Variants in ABCC1 observed in about 807,000 individuals in gnomAD.
ABCC1 encodes the protein multidrug resistance-associated protein 1.
ABCC1 carries 83 observed loss-of-function variants against 172.9 expected under a neutral mutation model. That is an observed-to-expected ratio of 0.48 (90% CI 0.40 to 0.58). The LOEUF is 0.58. Among genes scored for constraint, ABCC1 ranks in the 20% least tolerant of loss-of-function variants. The probability of loss-of-function intolerance (pLI) is 0.00; values close to 1 mark genes in which losing one functional copy is unlikely to be tolerated. For synonymous variants in ABCC1, 937 were observed against 825.2 expected, an observed-to-expected ratio of 1.14 and a Z score of -2.32; for missense variants, 1,817 against 2,002.7, an observed-to-expected ratio of 0.91 and a Z score of 1.77.
At chr16:16,102,546 A>C in intron 19 of ABCC1, 81 bp from the exon 20 acceptor site, 2 of 1,325,526 alleles carry the variant, frequency 1.5e-6, no homozygotes, top group Non-Finnish European at 2.1e-6. Context: ...CTCCTCACTG[A>C]AGTGGCCGGT....
Position 16,090,270 on chromosome 16 carries a change from G to A in ABCC1, c.2461-135G>A, listed in dbSNP as rs1293317300. ...GCTCCTGGATGCTGTTATCGCGGGT[G>A]CATGTCCCACCTTCAGACCTGAGTT... On this transcript the variant is annotated intron_variant, in intron 18 of 30. Transcript: ENST00000399410. 3.6e-6 allele frequency: 3 copies of A among 826,692 alleles called. No homozygotes were observed. In the Admixed American group the frequency reaches 9.5e-5, roughly 26 times the overall value. The allele number at this position is 826,692 out of a possible 1,614,324, so 51.2% of individuals were successfully genotyped here.
In ABCC1 at chr16:16,127,520, A is replaced by G. The variant is rs144838723; in HGVS notation, c.3819+1609A>G. ...AGCCCAGCCCTATAATTTAGATGCT[A>G]CTATTACCCCCATTTTACAGGTGAG... On this transcript the variant is annotated intron_variant, in intron 26 of 30. Coordinates refer to ENST00000399410, the MANE Select transcript of ABCC1 (RefSeq NM_004996.4). Among the ~76,000 whole-genome samples, 28 of 152,224 alleles carry G rather than the reference A, an allele frequency of 1.8e-4. No individual in the cohort carries two copies. In the East Asian group the frequency reaches 5.4e-3, roughly 29 times the overall value.
intron 14 of ABCC1, among the ~76,000 whole-genome samples, chr16:16,073,414 A>G (rs1234172862): frequency 3.9e-5 from 6 of 152,194 alleles, no homozygotes; most frequent in Admixed American, 3.9e-4. Context: ...TAGACACCCC[A>G]TCACAGCCCT....
rs770719562 is a variant in ABCC1, at chr16:16,115,054, G to A, written c.3368G>A (p.Gly1123Asp). ...GCCGCCATCATCATCCCGCCCCTTG[G>A]CCTCATCTACTTCTTCGTCCAGGTA... The part of the protein sequence containing the change: ...PIAAIIIPPL[G>D]LIYFFVQRFY... Residue 1123 changes from glycine (G) to aspartate (D), a missense_variant, in exon 23 of 31, where the codon GGC (glycine) becomes GAC (aspartate). Around this residue, in one of 3 missense-constraint regions of ABCC1, gnomAD observed 1,412 missense variants for 1,600.3 expected, o/e 0.88. Coordinates refer to ENST00000399410, the MANE Select transcript of ABCC1 (RefSeq NM_004996.4). 2 of 1,613,992 alleles carry A rather than the reference G, an allele frequency of 1.2e-6. No individual in the cohort carries two copies. The highest frequency in any genetic ancestry group is 2.2e-5 in the South Asian group (2 of 91,086).
At chr16:16,000,162 T>C (rs1218728642) in intron 1 of ABCC1, among the ~76,000 whole-genome samples, 4 of 150,974 alleles carry the variant, frequency 2.6e-5, no homozygotes, top group African/African-American at 9.7e-5. Flanking sequence ...CTTCCTTTTT[T>C]TTGAAGCAGG....
At chr16:15,957,236 TGCCCA>T (rs1448872439) in intron 1 of ABCC1, among the ~76,000 whole-genome samples, 11 of 149,392 alleles carry the variant, frequency 7.4e-5, no homozygotes, top group African/African-American at 2.7e-4. Flanking sequence ...CACACCACCA[TGCCCA>T]GCTAATTTTT....
intron 1 of ABCC1, among the ~76,000 whole-genome samples, chr16:15,981,902 A>G (rs887228272): frequency 1.3e-5 from 2 of 152,070 alleles, no homozygotes; most frequent in Non-Finnish European, 2.9e-5. Context: ...TCTTCTGACA[A>G]TCATCTAAAT....
intron 14 of ABCC1, among the ~76,000 whole-genome samples, chr16:16,076,019 G>C (rs914488372): frequency 8.4e-6 from 1 of 119,092 alleles, no homozygotes; most frequent in African/African-American, 2.8e-5. Context: ...AGAGCATTGA[G>C]TAATTCTCAT....
At chr16:16,080,894 T>A (rs140485041) in intron 16 of ABCC1, among the ~76,000 whole-genome samples, 2 of 151,786 alleles carry the variant, frequency 1.3e-5, no homozygotes, top group African/African-American at 4.8e-5. Flanking sequence ...GAGACAGAGT[T>A]TTTTTTGTTG....
intron 5 of ABCC1, among the ~76,000 whole-genome samples, chr16:16,032,447 C>T (rs1367474841): frequency 3.3e-5 from 5 of 152,194 alleles, no homozygotes; most frequent in Non-Finnish European, 7.3e-5. Context: ...AAGCTCCATA[C>T]AGGCAGGGGT....
intron 1 of ABCC1, among the ~76,000 whole-genome samples, chr16:15,973,804 A>G (rs1230046004): frequency 6.6e-6 from 1 of 151,640 alleles, no homozygotes; most frequent in Non-Finnish European, 1.5e-5. Flanking sequence ...AGCGAGACCC[A>G]GTCTCTACAC....
At chr16:16,127,992 C>G (rs1252078091) in intron 26 of ABCC1, among the ~76,000 whole-genome samples, 1 of 148,890 alleles carries the variant, frequency 6.7e-6, no homozygotes, top group Non-Finnish European at 1.5e-5. Flanking sequence ...ACGATCTCAG[C>G]TCACTGCAAC....
At chr16:15,955,547 T>C (rs1242208684) in intron 1 of ABCC1, among the ~76,000 whole-genome samples, 1 of 152,144 alleles carries the variant, frequency 6.6e-6, no homozygotes, top group African/African-American at 2.4e-5. Context: ...TGACCTCTTC[T>C]CTGGCTGCTT....
At chr16:16,131,269 C>T (rs2045661525) in intron 26 of ABCC1, among the ~76,000 whole-genome samples, 1 of 152,232 alleles carries the variant, frequency 6.6e-6, no homozygotes, top group African/African-American at 2.4e-5. Context: ...GACAGCTTTA[C>T]AGAAGGTATC....
intron 9 of ABCC1, 114 bp from the exon 10 acceptor site, chr16:16,048,028 A>T: frequency 7.6e-7 from 1 of 1,314,940 alleles, no homozygotes; most frequent in Non-Finnish European, 1.1e-6. Flanking sequence ...GGAGGAGGAG[A>T]GATCTGCGGC....
chr16:16,095,467 G>C (rs1243671169), intron 19 of ABCC1, among the ~76,000 whole-genome samples: 1 of 152,192 alleles, frequency 6.6e-6, no homozygotes, highest in Non-Finnish European at 1.5e-5. Context: ...GCAGGGTAGA[G>C]GCCAGCGATG....
At chr16:16,096,330 T>C (rs550797578) in intron 19 of ABCC1, among the ~76,000 whole-genome samples, 1 of 152,328 alleles carries the variant, frequency 6.6e-6, no homozygotes, top group Non-Finnish European at 1.5e-5. Flanking sequence ...CTTTTTCACC[T>C]GTCCTTCCTT....
At chr16:16,124,674 T>C in intron 24 of ABCC1, 115 bp from the exon 25 acceptor site, 2 of 1,447,234 alleles carry the variant, frequency 1.4e-6, no homozygotes, top group Non-Finnish European at 1.9e-6. Context: ...TCTCTGGAAT[T>C]ACTGCGGAGT....
rs1596487641 is a variant in ABCC1 at position 16,093,811 on chromosome 16, A to T, written c.2644+3223A>T. On this transcript the variant is annotated intron_variant, in intron 19 of 30. Coordinates refer to ENST00000399410, the MANE Select transcript of ABCC1 (RefSeq NM_004996.4). ...ATTAATCAGCTCTTTTTTTTAGAAC[A>T]CCCAGGCTGAAGGGGTGCAGGTGTT... Among the ~76,000 whole-genome samples the T allele has an allele frequency of 3.9e-5, 6 of 152,056 alleles. No homozygotes were observed. The South Asian group carries it at 1.3e-3, about 32-fold the overall frequency.
Sources: allele counts gnomAD v4.1 joint callset (sites outside exome capture counted in the v4.1 genomes callset), GRCh38; gene constraint gnomAD v4.1.1; regional missense constraint gnomAD v4.1.1; transcripts MANE v1.5; gene names NCBI Gene and HGNC (gene_info 2026-07-23, HGNC 2026-07-21).